Variants in CLCA1 observed in about 807,000 individuals in gnomAD.
The protein encoded by CLCA1 is calcium-activated chloride channel regulator 1.
CLCA1 carries 59 observed loss-of-function variants against 85.6 expected under a neutral mutation model. That is an observed-to-expected ratio of 0.69 (90% confidence interval 0.56 to 0.86). The LOEUF is 0.86. CLCA1 is among the 40% of genes least tolerant of loss of function. CLCA1 has a pLI of 0.00. For synonymous variants in CLCA1, 396 were observed against 398.3 expected (o/e 0.99, Z 0.07); for missense variants, 1,022 against 1,101.4 (o/e 0.93, Z 1.02).
At position 86,479,492 on chromosome 1, in the gene CLCA1, C is replaced by T. The variant is rs556353589; in HGVS notation, c.558-2713C>T. Among the ~76,000 whole-genome samples the T allele has an allele frequency of 7.2e-5, 11 of 152,068 alleles. No homozygotes were observed. The South Asian group carries it at 1.0e-3, about 14-fold the overall frequency. On this transcript the variant is annotated intron_variant, in intron 4 of 13. Coordinates refer to ENST00000394711, the MANE Select transcript of CLCA1 (RefSeq NM_001285.4). ...ACCTCATTAAAAAAATCTAAGAGTT[C>T]GTTGAGTAGATAGTAGCTAAGATCA...
At chr1:86,469,688 G>A (rs1274802288) in intron 1 of CLCA1, among the ~76,000 whole-genome samples, 1 of 152,144 alleles carries the variant, frequency 6.6e-6, no homozygotes, top group African/African-American at 2.4e-5. Flanking sequence ...TGTAGCAGAA[G>A]GGAAAGGAAG....
chr1:86,486,565 C>G lies in CLCA1; in HGVS notation c.994C>G (p.Leu332Val), dbSNP rs747987194. The change falls in exon 7 of 14, where the codon CTT (leucine) becomes GTT (valine). Residue 332 changes from leucine (L) to valine (V), a missense_variant. Coordinates refer to ENST00000394711, the MANE Select transcript of CLCA1 (RefSeq NM_001285.4). ...RLNRLNQAGQ[L>V]FLLQTVELGS... is the part of the protein sequence containing the mutation. Reference sequence around the variant, plus strand: ...CAATCGACTGAATCAAGCAGGCCAGCTTTTCCTGCTGCAGACAGTTGAGCT... The same window carrying G: ...CAATCGACTGAATCAAGCAGGCCAGGTTTTCCTGCTGCAGACAGTTGAGCT... 6.8e-6 allele frequency: 11 copies of G among 1,614,034 alleles called. No individual in the cohort carries two copies. The East Asian group carries it at 8.9e-5, about 13-fold the overall frequency.
chr1:86,498,907 G>A lies in CLCA1; in HGVS notation c.2353+96G>A, dbSNP rs543319031. On this transcript the variant is annotated intron_variant, in intron 13 of 13. Transcript: ENST00000394711. ...CAGGCAGCCGTGTTCTGATACTTAG[G>A]GGGCAGAAGGCAGGAGGGATCTTGC... is the stretch of plus-strand genomic sequence containing the variant. The A allele has an allele frequency of 3.6e-6, 5 of 1,370,348 alleles. No individual in the cohort carries two copies. The Admixed American group carries it at 6.6e-5, about 18-fold the overall frequency. 84.9% of individuals were successfully genotyped at this position (1,370,348 alleles called of 1,614,324 possible). A position where few individuals can be genotyped will look rare whatever the true frequency, so the allele number is the denominator to read the frequency against.
Position 86,476,498 on chromosome 1 carries a change from GA to G in CLCA1, c.503del (p.Glu168GlyfsTer18). 1 of 1,604,708 alleles carries G rather than the reference GA, an allele frequency of 6.2e-7. No homozygotes were observed. The highest frequency in any genetic ancestry group is 8.5e-7 in the Non-Finnish European group (1 of 1,171,566). On this transcript the variant is annotated frameshift_variant, in exon 4 of 14. Coordinates refer to ENST00000394711, the MANE Select transcript of CLCA1 (RefSeq NM_001285.4). LOFTEE classifies it high-confidence loss of function. The stretch of plus-strand genomic sequence containing the variant: ...TCATCTACGATGGGGAGTATTTGAC[GA>G]GTACAATAATGATGAGAAATTCTAC... ...WAHLRWGVFD[E>X]YNNDEKFYLS...
At position 86,499,921 on chromosome 1, in the gene CLCA1, C is replaced by T. The variant is rs754858371; in HGVS notation, c.2621C>T (p.Thr874Ile). ...LFIPPQTPPE[T>I]PSPDETSAPC... ...ATTCCTCCACAGACTCCGCCAGAGA[C>T]ACCTAGTCCTGATGAAACGTCTGCT... The change falls in exon 14 of 14, where the codon ACA becomes ATA. Residue 874 changes from threonine to isoleucine, a missense_variant. By Grantham distance (89) the Thr-to-Ile change is moderately conservative. Transcript: ENST00000394711. The T allele has an allele frequency of 8.1e-6, 13 of 1,613,960 alleles. No individual in the cohort carries two copies. The highest frequency in any genetic ancestry group is 6.6e-5 in the South Asian group (6 of 91,088).
chr1:86,495,772 C>A, intron 12 of CLCA1, 97 bp downstream of exon 12: 2 of 1,154,378 alleles, frequency 1.7e-6, no homozygotes, highest in Non-Finnish European at 2.4e-6. Flanking sequence ...ATGATTAAAT[C>A]AGGGTTTCTC....
chr1:86,498,701 C>T lies in CLCA1; in HGVS notation c.2243C>T (p.Pro748Leu), dbSNP rs777354547. 1 of 1,614,094 alleles carries T rather than the reference C, an allele frequency of 6.2e-7. No individual in the cohort carries two copies. The highest frequency in any genetic ancestry group is 8.5e-7 in the Non-Finnish European group (1 of 1,180,020). The change falls in exon 13 of 14, where the codon CCT becomes CTT. Residue 748 changes from proline to leucine, a missense_variant. Coordinates refer to ENST00000394711, the MANE Select transcript of CLCA1 (RefSeq NM_001285.4). The stretch of plus-strand genomic sequence containing the variant: ...TCTGATGTCCCAAATGCTCCCATAC[C>T]TGATCTCTTCCCACCTGGCCAAATC... Reference protein sequence around the residue: ...VASDVPNAPIPDLFPPGQITD... With the variant: ...VASDVPNAPILDLFPPGQITD...
chr1:86,473,761 A>G lies in CLCA1; in HGVS notation c.336A>G (p.Pro112=), dbSNP rs149638077. 14 of 1,598,352 alleles carry G rather than the reference A, an allele frequency of 8.8e-6. No homozygotes were observed. The Admixed American group carries it at 1.2e-4, about 14-fold the overall frequency. Residue 112 remains proline, a synonymous_variant, in exon 3 of 14, where the codon CCA becomes CCG. Transcript: ENST00000394711. ...ADVLVAESTP[P]GNDEPYTEQM... is the part of the protein sequence containing the mutation. Reference sequence around the variant, plus strand: ...TTCTGGTTGCTGAGTCTACTCCTCCAGGTAATGATGAACCCTACACTGAGC... The same window carrying G: ...TTCTGGTTGCTGAGTCTACTCCTCCGGGTAATGATGAACCCTACACTGAGC...
At chr1:86,485,871 T>C (rs1236331623) in intron 6 of CLCA1, among the ~76,000 whole-genome samples, 1 of 152,186 alleles carries the variant, frequency 6.6e-6, no homozygotes, top group Non-Finnish European at 1.5e-5. Context: ...TAGTCTGTTC[T>C]CATACTGCTA....
chr1:86,479,843 C>T (rs1275187776), intron 4 of CLCA1, among the ~76,000 whole-genome samples: 1 of 152,072 alleles, frequency 6.6e-6, no homozygotes, highest in South Asian at 2.1e-4. Context: ...CGAGATCATG[C>T]CACTGCACTC....
chr1:86,472,808 A>T (rs891715505), intron 1 of CLCA1, among the ~76,000 whole-genome samples: 3 of 152,268 alleles, frequency 2.0e-5, no homozygotes, highest in Non-Finnish European at 2.9e-5. Context: ...AAATAATACC[A>T]CAACATTTAG....
chr1:86,499,711 A>T lies in CLCA1; in HGVS notation c.2411A>T (p.Asn804Ile). Residue 804 changes from asparagine (N) to isoleucine (I), a missense_variant, in exon 14 of 14, where the codon AAT (asparagine) becomes ATT (isoleucine). Coordinates refer to ENST00000394711, the MANE Select transcript of CLCA1 (RefSeq NM_001285.4). ...ATTCTTGATCTCAGAGACAAGTTCA[A>T]TGAATCTCTTCAAGTGAATACTACT... is the stretch of plus-strand genomic sequence containing the variant. ...TSILDLRDKF[N>I]ESLQVNTTAL... is the part of the protein sequence containing the mutation. 6.2e-7 allele frequency: 1 copy of T among 1,605,022 alleles called. No homozygotes were observed. Among genetic ancestry groups the T allele is most frequent in the South Asian group, 1.1e-5 (1 of 90,872 alleles).
chr1:86,491,410 T>C, intron 9 of CLCA1, 39 bp downstream of exon 9: 2 of 1,364,658 alleles, frequency 1.5e-6, no homozygotes, highest in Non-Finnish European at 2.1e-6. Context: ...TATTTACACA[T>C]AATCATAGCC....
chr1:86,479,066 T>C (rs1257612585), intron 4 of CLCA1, among the ~76,000 whole-genome samples: 1 of 152,178 alleles, frequency 6.6e-6, no homozygotes, highest in African/African-American at 2.4e-5. Flanking sequence ...ACTGGGGATG[T>C]AAAAAGATGG....
intron 8 of CLCA1, among the ~76,000 whole-genome samples, chr1:86,489,691 C>T (rs1226138945): frequency 6.6e-6 from 1 of 152,202 alleles, no homozygotes; most frequent in Admixed American, 6.5e-5. Context: ...CTCCATAAAA[C>T]CTTCACGTAT....
At chr1:86,485,322 T>C in intron 5 of CLCA1, 21 bp from the exon 6 acceptor site, 2 of 1,554,040 alleles carry the variant, frequency 1.3e-6, no homozygotes, top group Non-Finnish European at 1.8e-6. Context: ...ATTATCTATA[T>C]AATTTCATTG....
chr1:86,489,270 A>G, intron 8 of CLCA1, 100 bp downstream of exon 8: 6 of 1,157,052 alleles, frequency 5.2e-6, no homozygotes, highest in Non-Finnish European at 7.3e-6. Context: ...GGAGAGAGAT[A>G]GGATAACCTA....
In CLCA1 at chr1:86,500,081, T is replaced by C; in HGVS notation, c.*36T>C. 1.4e-6 allele frequency: 2 copies of C among 1,439,816 alleles called. No individual in the cohort carries two copies. Among genetic ancestry groups the C allele is most frequent in the Non-Finnish European group, 1.9e-6 (2 of 1,052,536 alleles). 89.2% of individuals were successfully genotyped at this position (1,439,816 alleles called of 1,614,324 possible). ...TTGTCAGATAAATAAAATAAATCATTCATCCTTTTTTTTGATTATAAAATT... is the reference window on the plus strand; with the variant it reads ...TTGTCAGATAAATAAAATAAATCATCCATCCTTTTTTTTGATTATAAAATT... On this transcript the variant is annotated 3_prime_UTR_variant, in exon 14 of 14. Coordinates refer to ENST00000394711, the MANE Select transcript of CLCA1 (RefSeq NM_001285.4).
intron 8 of CLCA1, among the ~76,000 whole-genome samples, chr1:86,489,690 A>G (rs1003065568): frequency 3.3e-5 from 5 of 152,156 alleles, no homozygotes; most frequent in African/African-American, 1.2e-4. Flanking sequence ...CCTCCATAAA[A>G]CCTTCACGTA....
Sources: allele counts gnomAD v4.1 joint callset (sites outside exome capture counted in the v4.1 genomes callset), GRCh38; gene constraint gnomAD v4.1.1; transcripts MANE v1.5; gene names NCBI Gene and HGNC (gene_info 2026-07-23, HGNC 2026-07-21).